Variants in KCNQ1 observed in about 807,000 individuals in gnomAD.
KCNQ1 encodes the protein potassium voltage-gated channel subfamily KQT member 1.
In KCNQ1, 49 loss-of-function variants were observed where a neutral mutation model predicts 72.4. The ratio of observed to expected loss-of-function variants is 0.68; its 90% confidence interval spans 0.54 to 0.86. KCNQ1 has a LOEUF of 0.86. KCNQ1 is among the 40% of genes least tolerant of loss of function. The probability of loss-of-function intolerance (pLI) is 0.00; values close to 1 mark genes in which losing one functional copy is unlikely to be tolerated. For missense variants in KCNQ1, 790 were observed against 945.1 expected, an observed-to-expected ratio of 0.84 and a Z score of 2.15; for synonymous variants, 450 against 412.6, an observed-to-expected ratio of 1.09 and a Z score of -1.10.
intron 11 of KCNQ1, chr11:2,700,050 GC>G: frequency 2.5e-6 from 1 of 398,114 alleles, no homozygotes; most frequent in Middle Eastern, 6.3e-4. Context: ...CGTGGCGACC[GC>G]CCCCCACCTG....
Position 2,624,996 on chromosome 11 carries a change from T to G in KCNQ1, c.1393+36142T>G, listed in dbSNP as rs935532248. 1 of 398,542 alleles carries G rather than the reference T, an allele frequency of 2.5e-6. No individual in the cohort carries two copies. The allele number at this position is 398,542 out of a possible 1,614,324, so 24.7% of individuals were successfully genotyped here. A position where few individuals can be genotyped will look rare whatever the true frequency, so the allele number is the denominator to read the frequency against. Reference sequence around the variant, plus strand: ...GCTTATCCATTCTTCCATGGACATTTGGGTTGCATTGATGTTTTAACTGTT... The same window carrying G: ...GCTTATCCATTCTTCCATGGACATTGGGGTTGCATTGATGTTTTAACTGTT... On this transcript the variant is annotated intron_variant, in intron 10 of 15. Coordinates refer to ENST00000155840, the MANE Select transcript of KCNQ1 (RefSeq NM_000218.3). The surrounding 1 kb of genome is among the most constrained non-coding windows in gnomAD (Gnocchi z 4.9).
At chr11:2,514,971 C>T (rs993946607) in intron 1 of KCNQ1, among the ~76,000 whole-genome samples, 1 of 152,206 alleles carries the variant, frequency 6.6e-6, no homozygotes, top group Non-Finnish European at 1.5e-5. Context: ...GCACCTCGCC[C>T]CCTTCCCGAG....
Position 2,671,332 on chromosome 11 carries a change from G to T in KCNQ1, c.1514+9251G>T, listed in dbSNP as rs77981756. On this transcript the variant is annotated intron_variant, in intron 11 of 15. Transcript: ENST00000155840. The surrounding 1 kb of genome is among the most constrained non-coding windows in gnomAD (Gnocchi z 4.7). ...CCCATGTGTGGCTGCAGCCTCAGAGGCTCCCTCTGAAGATGACACTGGGAA... is the reference window on the plus strand; with the variant it reads ...CCCATGTGTGGCTGCAGCCTCAGAGTCTCCCTCTGAAGATGACACTGGGAA... The T allele has an allele frequency of 2.5e-6, 1 of 398,374 alleles. No individual in the cohort carries two copies. The highest frequency in any genetic ancestry group is 2.1e-5 in the African/African-American group (1 of 48,566). The allele number at this position is 398,374 out of a possible 1,614,324, so 24.7% of individuals were successfully genotyped here. A position where few individuals can be genotyped will look rare whatever the true frequency, so the allele number is the denominator to read the frequency against.
chr11:2,457,233 G>C lies in KCNQ1; in HGVS notation c.386+11749G>C, dbSNP rs180889868. ...ATGAGTCCAGCCACCATGGAAGGCA[G>C]TTTGGAGATTTCCCAAAGAACCAAG... On this transcript the variant is annotated intron_variant, in intron 1 of 15. Coordinates refer to ENST00000155840, the MANE Select transcript of KCNQ1 (RefSeq NM_000218.3). This position sits in a 1 kb window ranked among gnomAD's most constrained non-coding sequence, Gnocchi z 5.0. Among the ~76,000 whole-genome samples, 6 of 152,290 alleles carry C rather than the reference G, an allele frequency of 3.9e-5. No individual in the cohort carries two copies. The highest frequency in any genetic ancestry group is 3.9e-4 in the Admixed American group (6 of 15,290).
intron 15 of KCNQ1, among the ~76,000 whole-genome samples, chr11:2,844,272 G>A (rs541670094): frequency 1.3e-5 from 2 of 152,218 alleles, no homozygotes; most frequent in Non-Finnish European, 2.9e-5. Context: ...TCCCACAAGG[G>A]GGGCAGCAGC....
intron 15 of KCNQ1, among the ~76,000 whole-genome samples, chr11:2,799,401 T>TGTGG (rs1554924615): frequency 4.7e-5 from 7 of 149,760 alleles, no homozygotes; most frequent in African/African-American, 1.7e-4. Context: ...TGTGTGTGTG[T>TGTGG]GGTGTGGTGT....
chr11:2,526,541 T>C lies in KCNQ1; in HGVS notation c.387-1387T>C, dbSNP rs997886362. Among the ~76,000 whole-genome samples, 11 of 151,434 alleles carry C rather than the reference T, an allele frequency of 7.3e-5. No homozygotes were observed. The highest frequency in any genetic ancestry group is 1.5e-4 in the Non-Finnish European group (10 of 67,876). On this transcript the variant is annotated intron_variant, in intron 1 of 15. Coordinates refer to ENST00000155840, the MANE Select transcript of KCNQ1 (RefSeq NM_000218.3). The surrounding 1 kb of genome is among the most constrained non-coding windows in gnomAD (Gnocchi z 6.1). ...CAGAGGCCAGGAAAGGATTGTCCTG[T>C]CCACAGGAGCTTGGGGAAGGGGGTG...
rs1847678390 is a variant in KCNQ1, at chr11:2,818,972, C to T, written c.1795-28795C>T. 6.6e-6 allele frequency among the ~76,000 whole-genome samples: 1 copy of T among 152,154 alleles called. No homozygotes were observed. The highest frequency in any genetic ancestry group is 1.5e-5 in the Non-Finnish European group (1 of 68,026). On this transcript the variant is annotated intron_variant, in intron 15 of 15. Transcript: ENST00000155840. The surrounding 1 kb of genome is among the most constrained non-coding windows in gnomAD (Gnocchi z 7.2). ...CCAGCATTACCCAGCCCCACAGGAC[C>T]CACATCCTGCTCCCAGCTCCAGCCT... is the stretch of plus-strand genomic sequence containing the variant.
intron 2 of KCNQ1, among the ~76,000 whole-genome samples, chr11:2,532,241 C>T (rs947337474): frequency 2.6e-5 from 4 of 152,170 alleles, no homozygotes; most frequent in African/African-American, 9.7e-5. Flanking sequence ...CCCGTGGCTG[C>T]GCTAACCCCA....
In KCNQ1 at chr11:2,654,074, C is replaced by T. The variant is rs1196452224; in HGVS notation, c.1394-7887C>T. ...GTTGTGGGAATGGCTTTTACACTTTCCATCCATGTCCCTTACTTCTCGCCT... is the reference window on the plus strand; with the variant it reads ...GTTGTGGGAATGGCTTTTACACTTTTCATCCATGTCCCTTACTTCTCGCCT... On this transcript the variant is annotated intron_variant, in intron 10 of 15. Coordinates refer to ENST00000155840, the MANE Select transcript of KCNQ1 (RefSeq NM_000218.3). This position sits in a 1 kb window ranked among gnomAD's most constrained non-coding sequence, Gnocchi z 6.4. The T allele has an allele frequency of 2.5e-6, 1 of 398,744 alleles. No individual in the cohort carries two copies. The highest frequency in any genetic ancestry group is 2.1e-5 in the African/African-American group (1 of 48,778). 24.7% of individuals were successfully genotyped at this position (398,744 alleles called of 1,614,324 possible). A position where few individuals can be genotyped will look rare whatever the true frequency, so the allele number is the denominator to read the frequency against.
chr11:2,573,417 A>G (rs1386208968), intron 6 of KCNQ1, among the ~76,000 whole-genome samples: 1 of 152,192 alleles, frequency 6.6e-6, no homozygotes, highest in Admixed American at 6.5e-5. Context: ...GGGTCCACAC[A>G]GGCCCTGTAA....
At position 2,497,870 on chromosome 11, in the gene KCNQ1, G is replaced by T. The variant is rs1174392228; in HGVS notation, c.387-30058G>T. ...GGTTTTTGTGTGGGGGGTCCCTTTT[G>T]TTGATGTTGATTTTGTTGCTTTCTG... On this transcript the variant is annotated intron_variant, in intron 1 of 15. Transcript: ENST00000155840. This position sits in a 1 kb window ranked among gnomAD's most constrained non-coding sequence, Gnocchi z 4.5. Among the ~76,000 whole-genome samples the T allele has an allele frequency of 1.3e-5, 2 of 152,168 alleles. No individual in the cohort carries two copies. Among genetic ancestry groups the T allele is most frequent in the Non-Finnish European group, 2.9e-5 (2 of 68,026 alleles).
chr11:2,739,097 C>A (rs999431597), intron 11 of KCNQ1, among the ~76,000 whole-genome samples: 2 of 152,220 alleles, frequency 1.3e-5, no homozygotes, highest in African/African-American at 4.8e-5. Context: ...GGACTGACAT[C>A]CCCTGTCCTG....
chr11:2,658,331 T>G lies in KCNQ1; in HGVS notation c.1394-3630T>G, dbSNP rs1849888332. 5.0e-6 allele frequency: 2 copies of G among 398,468 alleles called. No homozygotes were observed. Among genetic ancestry groups the G allele is most frequent in the Non-Finnish European group, 8.8e-6 (2 of 226,062 alleles). The allele number at this position is 398,468 out of a possible 1,614,324, so 24.7% of individuals were successfully genotyped here. A position where few individuals can be genotyped will look rare whatever the true frequency, so the allele number is the denominator to read the frequency against. ...GGAAGATTTGTCCCTCTCCTCCAAT[T>G]GTTTATTTAATTTTATCAGTGTGGA... On this transcript the variant is annotated intron_variant, in intron 10 of 15. Coordinates refer to ENST00000155840, the MANE Select transcript of KCNQ1 (RefSeq NM_000218.3). This position sits in a 1 kb window ranked among gnomAD's most constrained non-coding sequence, Gnocchi z 4.9.
intron 15 of KCNQ1, among the ~76,000 whole-genome samples, chr11:2,811,983 G>A (rs1374952634): frequency 6.6e-6 from 1 of 152,016 alleles, no homozygotes; most frequent in Non-Finnish European, 1.5e-5. Flanking sequence ...GCCCTGGCAC[G>A]CAGCCCCACC....
In KCNQ1 at chr11:2,588,255, C is replaced by T. The variant is rs1166892127; in HGVS notation, c.1252-458C>T. ...CCCCCTGTGGAGAGACCTGGCCTTC[C>T]CAGTTTCCAGCTGCCGGTGGAGCCT... On this transcript the variant is annotated intron_variant, in intron 9 of 15. Transcript: ENST00000155840. This position sits in a 1 kb window ranked among gnomAD's most constrained non-coding sequence, Gnocchi z 5.6. Among the ~76,000 whole-genome samples the T allele has an allele frequency of 6.6e-6, 1 of 152,106 alleles. No individual in the cohort carries two copies. The highest frequency in any genetic ancestry group is 1.5e-5 in the Non-Finnish European group (1 of 67,990).
rs564348198 is a variant in KCNQ1, at chr11:2,564,320, G to A, written c.478-6308G>A. Among the ~76,000 whole-genome samples the A allele has an allele frequency of 2.2e-4, 34 of 152,262 alleles. No individual in the cohort carries two copies. Among genetic ancestry groups the A allele is most frequent in the African/African-American group, 6.3e-4 (26 of 41,540 alleles). Reference sequence around the variant, plus strand: ...ATTATGGTGAAATATAAGGCCAGGCGCGGTGACTCATGCCTGCAATCCCAG... The same window carrying A: ...ATTATGGTGAAATATAAGGCCAGGCACGGTGACTCATGCCTGCAATCCCAG... On this transcript the variant is annotated intron_variant, in intron 2 of 15. Transcript: ENST00000155840. The surrounding 1 kb of genome is among the most constrained non-coding windows in gnomAD (Gnocchi z 4.5).
chr11:2,673,614 T>G lies in KCNQ1; in HGVS notation c.1514+11533T>G. On this transcript the variant is annotated intron_variant, in intron 11 of 15. Coordinates refer to ENST00000155840, the MANE Select transcript of KCNQ1 (RefSeq NM_000218.3). The surrounding 1 kb of genome is among the most constrained non-coding windows in gnomAD (Gnocchi z 4.5). ...AAAGAGAAGCTAAACGTGACCAGCC[T>G]ACCCACCTTGCTACTGCTGATGACC... 1 of 398,788 alleles carries G rather than the reference T, an allele frequency of 2.5e-6. No individual in the cohort carries two copies. The highest frequency in any genetic ancestry group is 4.4e-6 in the Non-Finnish European group (1 of 226,160). The allele number at this position is 398,788 out of a possible 1,614,324, so 24.7% of individuals were successfully genotyped here.
chr11:2,651,207 T>C lies in KCNQ1; in HGVS notation c.1394-10754T>C. The C allele has an allele frequency of 2.5e-6, 1 of 398,698 alleles. No homozygotes were observed. The highest frequency in any genetic ancestry group is 4.4e-6 in the Non-Finnish European group (1 of 226,110). The allele number at this position is 398,698 out of a possible 1,614,324, so 24.7% of individuals were successfully genotyped here. On this transcript the variant is annotated intron_variant, in intron 10 of 15. Coordinates refer to ENST00000155840, the MANE Select transcript of KCNQ1 (RefSeq NM_000218.3). This position sits in a 1 kb window ranked among gnomAD's most constrained non-coding sequence, Gnocchi z 6.1. ...ATGTTCCGACAGCTTCCTGTCACCC[T>C]GTCTTGTGTCAGTCTCACAGCACAC... is the stretch of plus-strand genomic sequence containing the variant.
Sources: gnomAD v4.1 joint callset for allele counts (sites outside exome capture counted in the v4.1 genomes callset) on GRCh38, gnomAD v4.1.1 for gene constraint, Gnocchi (gnomAD v3.1) non-coding constraint, MANE v1.5 for transcripts, NCBI Gene and HGNC (gene_info 2026-07-23, HGNC 2026-07-21) for gene names.